Variants in RSF1 observed in about 807,000 individuals in gnomAD.
The protein encoded by RSF1 is remodeling and spacing factor 1.
A neutral mutation model predicts 145.2 loss-of-function variants in RSF1; 13 were observed. The ratio of observed to expected loss-of-function variants is 0.09; its 90% CI spans 0.06 to 0.14. The LOEUF is 0.14. Ranked by LOEUF, RSF1 falls within the 10% of genes least tolerant of loss-of-function variation. The pLI is 1.00. For synonymous variants in RSF1, 577 were observed against 592.6 expected, an observed-to-expected ratio of 0.97 and a Z score of 0.38; for missense variants, 1,517 against 1,718.2, an observed-to-expected ratio of 0.88 and a Z score of 2.07.
chr11:77,686,873 T>C (rs922773824), intron 9 of RSF1, among the ~76,000 whole-genome samples: 2 of 152,176 alleles, frequency 1.3e-5, no homozygotes, highest in African/African-American at 2.4e-5. Flanking sequence ...ATTACACTCA[T>C]TGGCATAAAG....
intron 6 of RSF1, among the ~76,000 whole-genome samples, chr11:77,700,349 CAAAAAAAAA>C (rs71046906): frequency 3.2e-4 from 15 of 47,198 alleles, no homozygotes; most frequent in African/African-American, 4.6e-4. Context: ...GACTGTCTCA[CAAAAAAAAA>C]AAAAAAAAAA....
At chr11:77,801,837 A>G (rs1948629135) in intron 1 of RSF1, among the ~76,000 whole-genome samples, 1 of 151,824 alleles carries the variant, frequency 6.6e-6, no homozygotes, top group Middle Eastern at 3.2e-3. Flanking sequence ...TTAACAATCA[A>G]TCATGCCTAC....
chr11:77,752,716 C>G (rs1418356351), intron 2 of RSF1, among the ~76,000 whole-genome samples: 2 of 152,132 alleles, frequency 1.3e-5, no homozygotes, highest in Non-Finnish European at 2.9e-5. Context: ...GGTACTGAAC[C>G]AGGGCAGCTT....
At chr11:77,827,103 CAAAAAA>C in the RSF1 span, among the ~76,000 whole-genome samples, 60,613 of 144,094 alleles carry the variant, frequency 0.42, 12,723 homozygotes, top group African/African-American at 0.54. Flanking sequence ...AAACTCGTCT[CAAAAAA>C]AAAAAAAATC....
At chr11:77,673,416 T>G (rs1959607951) in intron 14 of RSF1, among the ~76,000 whole-genome samples, 1 of 152,232 alleles carries the variant, frequency 6.6e-6, no homozygotes. Flanking sequence ...GTTATTCTTT[T>G]GTGGATTTCA....
At chr11:77,753,175 T>C (rs774642879) in intron 2 of RSF1, among the ~76,000 whole-genome samples, 4 of 152,266 alleles carry the variant, frequency 2.6e-5, no homozygotes, top group Non-Finnish European at 5.9e-5. Flanking sequence ...TTTTACCTTA[T>C]AGATTTGCCT....
intron 5 of RSF1, among the ~76,000 whole-genome samples, chr11:77,722,589 A>G (rs1960966692): frequency 6.6e-6 from 1 of 152,224 alleles, no homozygotes; most frequent in Non-Finnish European, 1.5e-5. Context: ...TCAGGCTTCA[A>G]ATCTAGACTC....
At chr11:77,706,454 A>G (rs1565155146) in intron 5 of RSF1, among the ~76,000 whole-genome samples, 1 of 151,598 alleles carries the variant, frequency 6.6e-6, no homozygotes, top group Non-Finnish European at 1.5e-5. Context: ...ATCTTAGGGG[A>G]CTTTTTGAAA....
At chr11:77,855,293 G>A in the RSF1 span, 1 of 152,096 alleles carries the variant, frequency 6.6e-6, no homozygotes, top group South Asian at 2.1e-4. Context: ...CAGCTGGCTT[G>A]AATTCCTCTC....
At chr11:77,687,936 G>T (rs1172763449) in intron 9 of RSF1, among the ~76,000 whole-genome samples, 1 of 152,096 alleles carries the variant, frequency 6.6e-6, no homozygotes, top group African/African-American at 2.4e-5. Context: ...AAGCATCAAA[G>T]GGCTCCAAAG....
chr11:77,712,503 C>T (rs1342699261), intron 5 of RSF1, among the ~76,000 whole-genome samples: 2 of 152,160 alleles, frequency 1.3e-5, no homozygotes, highest in Non-Finnish European at 2.9e-5. Flanking sequence ...GTGATGTCAA[C>T]TGGTTATTTC....
chr11:77,671,139 ATATATATAT>A (rs1434003272), intron 15 of RSF1, among the ~76,000 whole-genome samples: 3 of 7,250 alleles, frequency 4.1e-4, no homozygotes, highest in African/African-American at 1.1e-3. Context: ...AAAAAAAAAA[ATATATATAT>A]ATATATATAT....
chr11:77,753,723 C>T (rs1324802089), intron 2 of RSF1, among the ~76,000 whole-genome samples: 2 of 152,218 alleles, frequency 1.3e-5, no homozygotes, highest in Non-Finnish European at 2.9e-5. Context: ...GATTGCCAGC[C>T]ATTATTCAGA....
the RSF1 span, among the ~76,000 whole-genome samples, chr11:77,857,989 C>T: frequency 0.22 from 33,764 of 151,890 alleles, 3,825 homozygotes; most frequent in Middle Eastern, 0.25. Context: ...CCAACGTGCC[C>T]GGCCATCATC....
chr11:77,684,265 T>G (rs945266238), intron 10 of RSF1, among the ~76,000 whole-genome samples: 4 of 152,214 alleles, frequency 2.6e-5, no homozygotes, highest in African/African-American at 9.6e-5. Context: ...TTTTTACAAA[T>G]TGCAAAAATT....
rs1491169283 is a variant in RSF1, at chr11:77,661,732, T to TA, written c.*5184dup. On this transcript the variant is annotated 3_prime_UTR_variant, in exon 16 of 16. Transcript: ENST00000308488. ...TTAAAAGCTGTACAGTTATTTTTTT[T>TA]AAAAAAAGGTGACTCTCAAGCAAAA... The TA allele has an allele frequency of 1.9e-4, 29 of 150,970 alleles. No individual in the cohort carries two copies. The highest frequency in any genetic ancestry group is 5.8e-4 in the East Asian group (3 of 5,156). The allele number at this position is 150,970 out of a possible 1,614,324, so 9.4% of individuals were successfully genotyped here.
At chr11:77,682,893 A>C (rs565395759) in intron 11 of RSF1, among the ~76,000 whole-genome samples, 1 of 152,348 alleles carries the variant, frequency 6.6e-6, no homozygotes, top group Admixed American at 6.5e-5. Context: ...AAGGGACTAA[A>C]AGGCGATGCA....
At chr11:77,832,468 A>C in the RSF1 span, among the ~76,000 whole-genome samples, 2 of 151,950 alleles carry the variant, frequency 1.3e-5, no homozygotes, top group East Asian at 3.9e-4. Context: ...CTGGGATTAC[A>C]GGCATGCGCC....
chr11:77,862,040 GTGT>G, the RSF1 span, among the ~76,000 whole-genome samples: 2 of 152,112 alleles, frequency 1.3e-5, no homozygotes, highest in African/African-American at 4.8e-5. Context: ...TCCTTTCCCT[GTGT>G]TATAGTGGAC....
Sources: allele counts gnomAD v4.1 joint callset (sites outside exome capture counted in the v4.1 genomes callset), GRCh38; gene constraint gnomAD v4.1.1; transcripts MANE v1.5; gene names NCBI Gene and HGNC (gene_info 2026-07-23, HGNC 2026-07-21).